The following JPH4 variants were observed in gnomAD, a reference collection of about 807,000 sequenced individuals.
JPH4 encodes junctophilin 4.
JPH4 carries 18 observed loss-of-function variants against 57.6 expected under a neutral mutation model. The observed-to-expected ratio is 0.31, with a 90% CI of 0.22 to 0.46. The LOEUF (loss-of-function observed/expected upper bound fraction) is 0.46. JPH4 is among the 20% of genes least tolerant of loss of function. JPH4 has a pLI of 1.00. For synonymous variants in JPH4, 425 were observed against 406.6 expected, an observed-to-expected ratio of 1.05 and a Z score of -0.54; for missense variants, 727 against 911.1, an observed-to-expected ratio of 0.80 and a Z score of 2.60.
rs1326709897 is a variant in JPH4 at position 23,578,482 on chromosome 14, C to T, written c.-474G>A. 1.3e-5 allele frequency: 2 copies of T among 149,164 alleles called. No homozygotes were observed. The highest frequency in any genetic ancestry group is 5.0e-5 in the African/African-American group (2 of 40,132). 9.2% of individuals were successfully genotyped at this position (149,164 alleles called of 1,614,324 possible). A position where few individuals can be genotyped will look rare whatever the true frequency, so the allele number is the denominator to read the frequency against. ...TGGATGCAAAGGGGGAGGGGGCTCTCAAGAGGGGGTGTTTTTATTATTTTT... is the reference window on the plus strand; with the variant it reads ...TGGATGCAAAGGGGGAGGGGGCTCTTAAGAGGGGGTGTTTTTATTATTTTT... On this transcript the variant is annotated 5_prime_UTR_variant, in exon 1 of 6. Transcript: ENST00000356300.
At position 23,569,560 on chromosome 14, in the gene JPH4, G is replaced by A; in HGVS notation, c.*74C>T. 1.1e-6 allele frequency: 1 copy of A among 921,222 alleles called. No homozygotes were observed. Among genetic ancestry groups the A allele is most frequent in the Non-Finnish European group, 1.7e-6 (1 of 571,482 alleles). 57.1% of individuals were successfully genotyped at this position (921,222 alleles called of 1,614,324 possible). A position where few individuals can be genotyped will look rare whatever the true frequency, so the allele number is the denominator to read the frequency against. ...TAGGAGAAAACACAGCCAGGAAGAG[G>A]AGAAGAGAAAAAAGGCAGGTCAAAG... On this transcript the variant is annotated 3_prime_UTR_variant, in exon 6 of 6. Coordinates refer to ENST00000356300, the MANE Select transcript of JPH4 (RefSeq NM_001146028.2). This position sits in a 1 kb window ranked among gnomAD's most constrained non-coding sequence, Gnocchi z 4.8.
At position 23,571,837 on chromosome 14, in the gene JPH4, A is replaced by G. The variant is rs769145901; in HGVS notation, c.1235T>C (p.Ile412Thr). The G allele has an allele frequency of 1.9e-6, 3 of 1,613,056 alleles. No homozygotes were observed. Among genetic ancestry groups the G allele is most frequent in the Non-Finnish European group, 2.5e-6 (3 of 1,179,890 alleles). The part of the protein sequence containing the change: ...AVEAARMAKL[I>T]AQDLQPMLEA... The stretch of plus-strand genomic sequence containing the variant: ...TAGCATGGGCTGCAGGTCCTGGGCT[A>G]TCAGTTTGGCCATTCGAGCTGCCTC... Residue 412 changes from isoleucine (I) to threonine (T), a missense_variant, in exon 4 of 6, where the codon ATA (isoleucine) becomes ACA (threonine). Physicochemically the swap from Ile to Thr is moderately conservative, Grantham distance 89. Coordinates refer to ENST00000356300, the MANE Select transcript of JPH4 (RefSeq NM_001146028.2). The surrounding 1 kb of genome is among the most constrained non-coding windows in gnomAD (Gnocchi z 4.6).
rs764115938 is a variant in JPH4 at position 23,571,302 on chromosome 14, G to A, written c.1429C>T (p.Arg477Trp). ...TCCCCTCCAGGAGGCAGTGGGCTCCGGCAGGCAGGGGGTCGCCAGGGTTGG... is the reference window on the plus strand; with the variant it reads ...TCCCCTCCAGGAGGCAGTGGGCTCCAGCAGGCAGGGGGTCGCCAGGGTTGG... Reference protein sequence around the residue: ...SRQPWRPPACRSPLPPGGDQG... With the variant: ...SRQPWRPPACWSPLPPGGDQG... Residue 477 changes from arginine to tryptophan, a missense_variant, in exon 5 of 6, where the codon CGG becomes TGG. Physicochemically the swap from Arg to Trp is moderately radical, Grantham distance 101 (BLOSUM62 -3). Transcript: ENST00000356300. The surrounding 1 kb of genome is among the most constrained non-coding windows in gnomAD (Gnocchi z 4.6). 5.6e-6 allele frequency: 9 copies of A among 1,596,292 alleles called. No individual in the cohort carries two copies. Among genetic ancestry groups the A allele is most frequent in the Middle Eastern group, 1.7e-4 (1 of 6,004 alleles).
chr14:23,576,451 A>G lies in JPH4; in HGVS notation c.385T>C (p.Tyr129His). 1 of 1,427,206 alleles carries G rather than the reference A, an allele frequency of 7.0e-7. No individual in the cohort carries two copies. The highest frequency in any genetic ancestry group is 9.1e-7 in the Non-Finnish European group (1 of 1,098,210). 88.4% of individuals were successfully genotyped at this position (1,427,206 alleles called of 1,614,324 possible). A position where few individuals can be genotyped will look rare whatever the true frequency, so the allele number is the denominator to read the frequency against. The change falls in exon 3 of 6, where the codon TAC becomes CAC. Residue 129 changes from tyrosine to histidine, a missense_variant. This residue lies in a region of JPH4 where 90 missense variants were observed against 88.1 expected (regional missense o/e 1.02). Transcript: ENST00000356300. This position sits in a 1 kb window ranked among gnomAD's most constrained non-coding sequence, Gnocchi z 8.0. ...GTETYSDGGT[Y>H]QGQWQAGKRH... is the part of the protein sequence containing the mutation. Reference sequence around the variant, plus strand: ...TTCCCGGCCTGCCACTGGCCCTGGTAGGTGCCTGCGGGCGGCGGAGGGGTG... The same window carrying G: ...TTCCCGGCCTGCCACTGGCCCTGGTGGGTGCCTGCGGGCGGCGGAGGGGTG...
At position 23,575,569 on chromosome 14, in the gene JPH4, G is replaced by A; in HGVS notation, c.1151+116C>T. ...GGTCCAACTGCCTGGCCTTAGGCTTGCAATAGCAGGCCCTAGGCCTTGGGC... is the reference window on the plus strand; with the variant it reads ...GGTCCAACTGCCTGGCCTTAGGCTTACAATAGCAGGCCCTAGGCCTTGGGC... On this transcript the variant is annotated intron_variant, in intron 3 of 5. Coordinates refer to ENST00000356300, the MANE Select transcript of JPH4 (RefSeq NM_001146028.2). The surrounding 1 kb of genome is among the most constrained non-coding windows in gnomAD (Gnocchi z 6.9). 1 of 1,358,298 alleles carries A rather than the reference G, an allele frequency of 7.4e-7. No individual in the cohort carries two copies. Among genetic ancestry groups the A allele is most frequent in the Non-Finnish European group, 1.0e-6 (1 of 998,492 alleles). The allele number at this position is 1,358,298 out of a possible 1,614,324, so 84.1% of individuals were successfully genotyped here.
Position 23,575,726 on chromosome 14 carries a change from G to T in JPH4, c.1110C>A (p.Ala370=). 6.3e-7 allele frequency: 1 copy of T among 1,596,232 alleles called. No homozygotes were observed. The highest frequency in any genetic ancestry group is 8.5e-7 in the Non-Finnish European group (1 of 1,173,888). ...VDRAVEGARR[A]VSAARQRQEI... is the part of the protein sequence containing the mutation. ...CCTGGCGCTGACGGGCAGCACTCAC[G>T]GCTCGACGGGCGCCCTCGACAGCCC... The change falls in exon 3 of 6, where the codon GCC becomes GCA. Residue 370 remains alanine, a synonymous_variant. Transcript: ENST00000356300. The surrounding 1 kb of genome is among the most constrained non-coding windows in gnomAD (Gnocchi z 6.9).
Position 23,569,794 on chromosome 14 carries a change from G to A in JPH4, c.1804-77C>T. ...TTCCTGCCCTGACTGAGGTGGCAGA[G>A]CTGAAGGGTCTCAGGCACCTCCCTG... On this transcript the variant is annotated intron_variant, in intron 5 of 5. Coordinates refer to ENST00000356300, the MANE Select transcript of JPH4 (RefSeq NM_001146028.2). The surrounding 1 kb of genome is among the most constrained non-coding windows in gnomAD (Gnocchi z 4.8). 1 of 951,538 alleles carries A rather than the reference G, an allele frequency of 1.1e-6. No homozygotes were observed. The highest frequency in any genetic ancestry group is 2.6e-5 in the East Asian group (1 of 37,940). 58.9% of individuals were successfully genotyped at this position (951,538 alleles called of 1,614,324 possible).
intron 5 of JPH4, 82 bp downstream of exon 5, chr14:23,570,846 C>A: frequency 7.5e-7 from 1 of 1,339,442 alleles, no homozygotes; most frequent in East Asian, 2.7e-5. Flanking sequence ...AAAAAGCCCC[C>A]CCGGTGATCA....
At position 23,568,106 on chromosome 14, in the gene JPH4, G is replaced by A. The variant is rs1888848827; in HGVS notation, c.*1528C>T. 1.0e-6 allele frequency: 1 copy of A among 984,598 alleles called. No homozygotes were observed. Among genetic ancestry groups the A allele is most frequent in the Admixed American group, 6.2e-5 (1 of 16,222 alleles). The allele number at this position is 984,598 out of a possible 1,614,324, so 61.0% of individuals were successfully genotyped here. A position where few individuals can be genotyped will look rare whatever the true frequency, so the allele number is the denominator to read the frequency against. ...TTTGTATTTTTTTCCTGCAAGACTT[G>A]GTGTTGGCGGCACTGTTGTAGTTTA... is the stretch of plus-strand genomic sequence containing the variant. On this transcript the variant is annotated 3_prime_UTR_variant, in exon 6 of 6. Coordinates refer to ENST00000356300, the MANE Select transcript of JPH4 (RefSeq NM_001146028.2).
Position 23,571,894 on chromosome 14 carries a change from A to G in JPH4, c.1178T>C (p.Val393Ala), listed in dbSNP as rs1049676537. ...CTTCTCAGCGACACTGCTGGCTGCC[A>G]CTGCCTTTAGGAGGGCGTCTGCTGC... ...ARAADALLKAVAASSVAEKAV... is the reference protein window; with the variant it reads ...ARAADALLKAAAASSVAEKAV... Residue 393 changes from valine (V) to alanine (A), a missense_variant, in exon 4 of 6, where the codon GTG becomes GCG. Val to Ala is a moderately conservative substitution (Grantham distance 64). Transcript: ENST00000356300. The surrounding 1 kb of genome is among the most constrained non-coding windows in gnomAD (Gnocchi z 4.6). The G allele has an allele frequency of 1.2e-6, 2 of 1,612,730 alleles. No homozygotes were observed. Among genetic ancestry groups the G allele is most frequent in the Non-Finnish European group, 1.7e-6 (2 of 1,179,912 alleles).
chr14:23,570,462 C>T (rs1445007147), intron 5 of JPH4, among the ~76,000 whole-genome samples: 3 of 151,176 alleles, frequency 2.0e-5, no homozygotes, highest in Non-Finnish European at 2.9e-5. Context: ...GGCTCCGCCT[C>T]CCGGGTTCAC....
intron 3 of JPH4, among the ~76,000 whole-genome samples, chr14:23,574,703 A>C (rs1889232861): frequency 6.6e-6 from 1 of 152,256 alleles, no homozygotes; most frequent in Non-Finnish European, 1.5e-5. Flanking sequence ...AAAATATCTT[A>C]ATAATTTTAT....
Position 23,576,409 on chromosome 14 carries a change from C to T in JPH4, c.427G>A (p.Val143Ile). The T allele has an allele frequency of 4.9e-6, 7 of 1,432,846 alleles. No individual in the cohort carries two copies. The highest frequency in any genetic ancestry group is 2.9e-5 in the South Asian group (2 of 69,332). 88.8% of individuals were successfully genotyped at this position (1,432,846 alleles called of 1,614,324 possible). The change falls in exon 3 of 6, where the codon GTA becomes ATA. Residue 143 changes from valine to isoleucine, a missense_variant. Coordinates refer to ENST00000356300, the MANE Select transcript of JPH4 (RefSeq NM_001146028.2). The surrounding 1 kb of genome is among the most constrained non-coding windows in gnomAD (Gnocchi z 8.0). Reference protein sequence around the residue: ...WQAGKRHGYGVRQSVPYHQAA... With the variant: ...WQAGKRHGYGIRQSVPYHQAA... ...TGATGGTAGGGCACACTCTGGCGTA[C>T]CCCGTAGCCGTGGCGCTTCCCGGCC... is the stretch of plus-strand genomic sequence containing the variant.
Position 23,569,490 on chromosome 14 carries a change from A to G in JPH4, c.*144T>C. On this transcript the variant is annotated 3_prime_UTR_variant, in exon 6 of 6. Coordinates refer to ENST00000356300, the MANE Select transcript of JPH4 (RefSeq NM_001146028.2). This position sits in a 1 kb window ranked among gnomAD's most constrained non-coding sequence, Gnocchi z 4.8. ...GACAGGGAAAGAAAAAGCGAGAGAA[A>G]AAAACAAAGGAGCACAGAAAAGAAA... The G allele has an allele frequency of 1.5e-6, 1 of 677,868 alleles. No homozygotes were observed. 42.0% of individuals were successfully genotyped at this position (677,868 alleles called of 1,614,324 possible).
At position 23,576,064 on chromosome 14, in the gene JPH4, G is replaced by A. The variant is rs748378998; in HGVS notation, c.772C>T (p.Pro258Ser). 1 of 1,312,774 alleles carries A rather than the reference G, an allele frequency of 7.6e-7. No individual in the cohort carries two copies. The highest frequency in any genetic ancestry group is 3.2e-5 in the East Asian group (1 of 31,618). The allele number at this position is 1,312,774 out of a possible 1,614,324, so 81.3% of individuals were successfully genotyped here. The stretch of plus-strand genomic sequence containing the variant: ...GGGGGCCCGCTGGCCTCCGAGCCGG[G>A]CGGTCCGGTGCTGCCCACCTCGCTG... ...VSSEVGSTGPPGSEASGPPAA... is the reference protein window; with the variant it reads ...VSSEVGSTGPSGSEASGPPAA... Residue 258 changes from proline to serine, a missense_variant, in exon 3 of 6, where the codon CCC (proline) becomes TCC (serine). Physicochemically the swap from Pro to Ser is moderately conservative, Grantham distance 74. Transcript: ENST00000356300. This position sits in a 1 kb window ranked among gnomAD's most constrained non-coding sequence, Gnocchi z 8.0.
Position 23,576,202 on chromosome 14 carries a change from T to G in JPH4, c.634A>C (p.Thr212Pro). 7.8e-7 allele frequency: 1 copy of G among 1,284,882 alleles called. No individual in the cohort carries two copies. Among genetic ancestry groups the G allele is most frequent in the South Asian group, 2.5e-5 (1 of 40,694 alleles). The allele number at this position is 1,284,882 out of a possible 1,614,324, so 79.6% of individuals were successfully genotyped here. Residue 212 changes from threonine (T) to proline (P), a missense_variant, in exon 3 of 6, where the codon ACT becomes CCT. Thr to Pro is a conservative substitution (Grantham distance 38). Transcript: ENST00000356300. This position sits in a 1 kb window ranked among gnomAD's most constrained non-coding sequence, Gnocchi z 8.0. ...CGAAAGAATCCGCCGGCCGCCGGAG[T>G]GCGCTTTCGGGACGACGCGCCGTCG... ...DADGASSRKRTPAAGGFFRRS... is the reference protein window; with the variant it reads ...DADGASSRKRPPAAGGFFRRS...
In JPH4 at chr14:23,577,481, C is replaced by T. The variant is rs772862148; in HGVS notation, c.-28G>A. ...ATGTAGTTGGCGCGGCCTCAGCCCC[C>T]CGGCGGCTCAGCGCATCCTGGGACT... is the stretch of plus-strand genomic sequence containing the variant. On this transcript the variant is annotated 5_prime_UTR_variant, in exon 2 of 6. Transcript: ENST00000356300. The surrounding 1 kb of genome is among the most constrained non-coding windows in gnomAD (Gnocchi z 8.4). 18 of 1,392,488 alleles carry T rather than the reference C, an allele frequency of 1.3e-5. No individual in the cohort carries two copies. The highest frequency in any genetic ancestry group is 1.6e-5 in the Non-Finnish European group (17 of 1,077,770). The allele number at this position is 1,392,488 out of a possible 1,614,324, so 86.3% of individuals were successfully genotyped here.
Position 23,577,130 on chromosome 14 carries a change from C to A in JPH4, c.324G>T (p.Gly108=). ...CGTCCTGGAAACCGTCCTTCCAGAG[C>A]CCGGCGTAGCGCAGGCCGGACACGC... ...WESVSGLRYA[G]LWKDGFQDGY... Residue 108 remains glycine, a synonymous_variant, in exon 2 of 6, where the codon GGG becomes GGT. Transcript: ENST00000356300. This position sits in a 1 kb window ranked among gnomAD's most constrained non-coding sequence, Gnocchi z 8.4. 6.4e-7 allele frequency: 1 copy of A among 1,556,246 alleles called. No homozygotes were observed. The highest frequency in any genetic ancestry group is 1.2e-5 in the South Asian group (1 of 85,162).
intron 5 of JPH4, among the ~76,000 whole-genome samples, chr14:23,570,249 G>A (rs1196969806): frequency 6.6e-6 from 1 of 151,420 alleles, no homozygotes; most frequent in Non-Finnish European, 1.5e-5. Flanking sequence ...GAGAAAGTGC[G>A]GAGGTGGGGG....
Sources: gnomAD v4.1 joint callset for allele counts (sites outside exome capture counted in the v4.1 genomes callset) on GRCh38, gnomAD v4.1.1 for gene constraint, gnomAD v4.1.1 regional missense constraint, Gnocchi (gnomAD v3.1) non-coding constraint, MANE v1.5 for transcripts, NCBI Gene and HGNC (gene_info 2026-07-23, HGNC 2026-07-21) for gene names.